CTNNA3: variants seen among roughly 807,000 people sequenced by gnomAD.
CTNNA3 encodes the protein catenin alpha-3.
In CTNNA3, 76 loss-of-function variants were observed where a neutral mutation model predicts 95.7. The ratio of observed to expected loss-of-function variants is 0.79; its 90% CI spans 0.66 to 0.96. The LOEUF (loss-of-function observed/expected upper bound fraction) is 0.96, where lower values mean the gene tolerates loss of function less well. CTNNA3 is among the 40% of genes least tolerant of loss of function. The pLI, the probability that CTNNA3 is intolerant of heterozygous loss-of-function variation, is 0.00. For synonymous variants in CTNNA3, 431 were observed against 374.4 expected, an observed-to-expected ratio of 1.15 and a Z score of -1.74; for missense variants, 1,191 against 1,089.8, an observed-to-expected ratio of 1.09 and a Z score of -1.31.
At chr10:67,356,667 C>G (rs1842820736) in intron 5 of CTNNA3, among the ~76,000 whole-genome samples, 3 of 152,066 alleles carry the variant, frequency 2.0e-5, no homozygotes, top group Admixed American at 1.3e-4. Context: ...CTCACGCCCT[C>G]TCATTCTTTG....
rs183427874 is a variant in CTNNA3, at chr10:67,278,706, G to A, written c.580-58836C>T. On this transcript the variant is annotated intron_variant, in intron 5 of 17. Transcript: ENST00000433211. ...GATCTAGAAAGAAAGGAAGGAAAAC[G>A]AAGGGGGAAGGAGATTCTCTGTAGA... Among the ~76,000 whole-genome samples, 745 of 152,284 alleles carry A rather than the reference G, an allele frequency of 4.9e-3. 7 individuals carry two copies. The highest frequency in any genetic ancestry group is 0.017 in the African/African-American group (707 of 41,574).
intron 10 of CTNNA3, among the ~76,000 whole-genome samples, chr10:66,615,878 C>G (rs1279044670): frequency 2.0e-5 from 3 of 151,976 alleles, no homozygotes. Flanking sequence ...AGCTAAGGCC[C>G]TGACTTTATA....
chr10:66,287,870 A>G (rs1165065193), intron 12 of CTNNA3, among the ~76,000 whole-genome samples: 1 of 152,110 alleles, frequency 6.6e-6, no homozygotes, highest in East Asian at 1.9e-4. Context: ...CAAAAGATCA[A>G]AACGTGGGGC....
intron 17 of CTNNA3, among the ~76,000 whole-genome samples, chr10:65,951,997 T>C (rs1394591653): frequency 8.0e-6 from 1 of 124,338 alleles, no homozygotes; most frequent in Non-Finnish European, 1.6e-5. Context: ...ACCATTGCAC[T>C]CCAGACCGGG....
intron 11 of CTNNA3, among the ~76,000 whole-genome samples, chr10:66,435,222 A>T (rs7474793): frequency 0.38 from 58,104 of 151,914 alleles, 11,681 homozygotes; most frequent in African/African-American, 0.5. Context: ...GAAGGAATGG[A>T]ACCAGCTCTT....
Position 67,753,972 on chromosome 10 carries a change from C to G in CTNNA3, c.-2+9462G>C, listed in dbSNP as rs962018604. On this transcript the variant is annotated intron_variant, in intron 1 of 17. Coordinates refer to the CTNNA3 transcript ENST00000684154. The stretch of plus-strand genomic sequence containing the variant: ...AGCAATCCCATTACTGGGTATATAC[C>G]CAAAGGAATATAAATCATTCTATTA... Among the ~76,000 whole-genome samples, 3 of 152,108 alleles carry G rather than the reference C, an allele frequency of 2.0e-5. No homozygotes were observed. The East Asian group carries it at 5.8e-4, about 29-fold the overall frequency.
At chr10:66,871,788 T>C (rs1319613832) in intron 7 of CTNNA3, among the ~76,000 whole-genome samples, 1 of 152,170 alleles carries the variant, frequency 6.6e-6, no homozygotes, top group Non-Finnish European at 1.5e-5. Context: ...ATTAGGGATT[T>C]TGAAATAATC....
intron 5 of CTNNA3, among the ~76,000 whole-genome samples, chr10:67,389,964 C>G (rs1844384647): frequency 6.7e-6 from 1 of 150,192 alleles, no homozygotes; most frequent in African/African-American, 2.4e-5. Flanking sequence ...CAGGAAAGAT[C>G]CAAAATTGAC....
At chr10:66,391,228 T>C (rs1333060001) in intron 11 of CTNNA3, among the ~76,000 whole-genome samples, 1 of 152,084 alleles carries the variant, frequency 6.6e-6, no homozygotes, top group Non-Finnish European at 1.5e-5. Flanking sequence ...AGTCCAATAT[T>C]GCTATTTACA....
chr10:66,252,781 A>G (rs1441075763), intron 13 of CTNNA3, among the ~76,000 whole-genome samples: 1 of 152,216 alleles, frequency 6.6e-6, no homozygotes, highest in African/African-American at 2.4e-5. Flanking sequence ...AAAAGGAACC[A>G]TCGGAGGATG....
At chr10:67,617,748 C>A (rs768830928) in intron 2 of CTNNA3, among the ~76,000 whole-genome samples, 3 of 150,572 alleles carry the variant, frequency 2.0e-5, no homozygotes, top group Non-Finnish European at 4.4e-5. Context: ...TTTTTCTCTG[C>A]GACCTCTCCA....
At chr10:66,135,394 A>G (rs905020455) in intron 13 of CTNNA3, among the ~76,000 whole-genome samples, 7 of 152,216 alleles carry the variant, frequency 4.6e-5, no homozygotes, top group African/African-American at 1.7e-4. Context: ...CTCCCCTAAA[A>G]ATGTTTGGGA....
intron 11 of CTNNA3, among the ~76,000 whole-genome samples, chr10:66,479,690 G>T (rs1839447706): frequency 6.6e-6 from 1 of 151,928 alleles, no homozygotes; most frequent in Non-Finnish European, 1.5e-5. Flanking sequence ...ATACTATATT[G>T]TAAGTGTTGT....
chr10:67,032,822 T>G (rs1343230584), intron 7 of CTNNA3, among the ~76,000 whole-genome samples: 1 of 152,212 alleles, frequency 6.6e-6, no homozygotes, highest in African/African-American at 2.4e-5. Context: ...CAGACCACAC[T>G]GAATCCTTGG....
At chr10:67,216,191 C>T (rs541536771) in intron 6 of CTNNA3, among the ~76,000 whole-genome samples, 46 of 152,180 alleles carry the variant, frequency 3.0e-4, no homozygotes, top group African/African-American at 9.9e-4. Flanking sequence ...GGAGTATCTT[C>T]CCCAAAATTA....
At chr10:66,765,476 T>C (rs886574089) in intron 9 of CTNNA3, among the ~76,000 whole-genome samples, 2 of 152,122 alleles carry the variant, frequency 1.3e-5, no homozygotes, top group African/African-American at 4.8e-5. Flanking sequence ...GTATGAGCCA[T>C]ACTGAATATC....
intron 9 of CTNNA3, among the ~76,000 whole-genome samples, chr10:66,727,338 T>C (rs1261802521): frequency 6.6e-6 from 1 of 152,096 alleles, no homozygotes; most frequent in Non-Finnish European, 1.5e-5. Flanking sequence ...AAAAATTGAC[T>C]AATATTTGAA....
intron 10 of CTNNA3, among the ~76,000 whole-genome samples, chr10:66,521,640 A>G (rs1228267129): frequency 6.6e-6 from 1 of 152,082 alleles, no homozygotes; most frequent in Non-Finnish European, 1.5e-5. Flanking sequence ...TTGTCAAACC[A>G]CTCTCAAAGT....
intron 1 of CTNNA3, among the ~76,000 whole-genome samples, chr10:67,753,546 AT>A (rs1304752700): frequency 6.6e-6 from 1 of 152,230 alleles, no homozygotes; most frequent in African/African-American, 2.4e-5. Flanking sequence ...GAATGGGAGA[AT>A]ATGTTTGCAA....
Sources: allele counts gnomAD v4.1 joint callset (sites outside exome capture counted in the v4.1 genomes callset), GRCh38; gene constraint gnomAD v4.1.1; transcripts MANE v1.5; gene names NCBI Gene and HGNC (gene_info 2026-07-23, HGNC 2026-07-21).